UNC13C: variants seen among roughly 807,000 people sequenced by gnomAD.
UNC13C encodes the protein unc-13 homolog C, also known as protein unc-13 homolog C.
In UNC13C, 174 loss-of-function variants were observed where a neutral mutation model predicts 245.4. That is an observed-to-expected ratio of 0.71 (90% CI 0.63 to 0.80). The LOEUF (loss-of-function observed/expected upper bound fraction) is 0.80, where lower values mean the gene tolerates loss of function less well. Among genes scored for constraint, UNC13C ranks in the 30% least tolerant of loss-of-function variants. UNC13C has a pLI of 0.00. For missense variants in UNC13C, 2,829 were observed against 2,602.9 expected, an observed-to-expected ratio of 1.09 and a Z score of -1.89; for synonymous variants, 992 against 895.1, an observed-to-expected ratio of 1.11 and a Z score of -1.93.
chr15:54,333,952 G>C, intron 16 of UNC13C, 96 bp downstream of exon 16: 2 of 815,922 alleles, frequency 2.5e-6, no homozygotes, highest in Non-Finnish European at 2.0e-6. Context: ...ATCAAGTACT[G>C]TGTTAACTCC....
intron 4 of UNC13C, among the ~76,000 whole-genome samples, chr15:54,162,721 G>T (rs1350935853): frequency 2.6e-5 from 4 of 152,040 alleles, no homozygotes; most frequent in Non-Finnish European, 5.9e-5. Flanking sequence ...TTATACTTTA[G>T]TTAATATGAC....
At chr15:53,941,011 A>G in the UNC13C span, among the ~76,000 whole-genome samples, 1 of 152,118 alleles carries the variant, frequency 6.6e-6, no homozygotes, top group Non-Finnish European at 1.5e-5. Flanking sequence ...AATCGTAAAC[A>G]GAAACAACAA....
At chr15:54,203,890 A>C (rs1595999888) in intron 4 of UNC13C, among the ~76,000 whole-genome samples, 1 of 105,512 alleles carries the variant, frequency 9.5e-6, no homozygotes, top group African/African-American at 3.0e-5. Flanking sequence ...ACATGTGTAT[A>C]TGTATATGTG....
intron 10 of UNC13C, among the ~76,000 whole-genome samples, chr15:54,285,909 G>A (rs574578960): frequency 2.8e-4 from 42 of 151,404 alleles, no homozygotes; most frequent in Non-Finnish European, 5.3e-4. Context: ...ACAGAGTCTC[G>A]TTCTGTCACC....
At chr15:53,965,337 T>G in the UNC13C span, among the ~76,000 whole-genome samples, 1 of 152,102 alleles carries the variant, frequency 6.6e-6, no homozygotes, top group East Asian at 1.9e-4. Flanking sequence ...CATTTTACCC[T>G]TAAACATTTG....
At chr15:54,356,884 T>C (rs2039107732) in intron 17 of UNC13C, among the ~76,000 whole-genome samples, 1 of 152,156 alleles carries the variant, frequency 6.6e-6, no homozygotes, top group African/African-American at 2.4e-5. Context: ...CATATTTGTA[T>C]ATTAAAAAGG....
At chr15:53,892,652 G>A in the UNC13C span, among the ~76,000 whole-genome samples, 10 of 151,634 alleles carry the variant, frequency 6.6e-5, no homozygotes, top group South Asian at 2.1e-4. Context: ...CCTTTCTTCC[G>A]CTTGATTGAT....
At chr15:53,906,956 T>C in the UNC13C span, among the ~76,000 whole-genome samples, 1 of 150,874 alleles carries the variant, frequency 6.6e-6, no homozygotes, top group South Asian at 2.1e-4. Context: ...GATAACAGCA[T>C]GGGGGAACCA....
intron 19 of UNC13C, among the ~76,000 whole-genome samples, chr15:54,484,448 T>C (rs1029663937): frequency 6.6e-6 from 1 of 152,208 alleles, no homozygotes. Flanking sequence ...ATGAGCTGAA[T>C]TGAACATGTC....
chr15:54,012,763 G>A lies in UNC13C; in HGVS notation c.-141G>A, dbSNP rs1895436725. 3.0e-6 allele frequency: 2 copies of A among 663,500 alleles called. No homozygotes were observed. Among genetic ancestry groups the A allele is most frequent in the East Asian group, 2.7e-5 (1 of 37,028 alleles). The allele number at this position is 663,500 out of a possible 1,614,324, so 41.1% of individuals were successfully genotyped here. On this transcript the variant is annotated 5_prime_UTR_variant, in exon 2 of 33. The change creates a premature stop within an existing upstream ORF in the 5' untranslated region. Coordinates refer to ENST00000260323, the MANE Select transcript of UNC13C (RefSeq NM_001080534.3). ...GTTTGCACAGGACAGCGACAATGTG[G>A]CAGAGCCATGCCTGCCCTTCCTGCT...
intron 19 of UNC13C, among the ~76,000 whole-genome samples, chr15:54,490,572 C>T (rs958281472): frequency 2.6e-5 from 4 of 151,968 alleles, no homozygotes; most frequent in South Asian, 4.1e-4. Flanking sequence ...GTCTGAAAAA[C>T]TGACCAGAAT....
chr15:54,175,719 C>G (rs7180602), intron 4 of UNC13C, among the ~76,000 whole-genome samples: 7 of 151,630 alleles, frequency 4.6e-5, no homozygotes, highest in African/African-American at 1.7e-4. Flanking sequence ...CACAGCTCCA[C>G]AGAGAAATAC....
At chr15:54,437,698 T>C (rs1350121577) in intron 19 of UNC13C, among the ~76,000 whole-genome samples, 1 of 151,920 alleles carries the variant, frequency 6.6e-6, no homozygotes, top group Admixed American at 6.6e-5. Context: ...GGAACACTGT[T>C]GACAAGGAAC....
chr15:54,154,375 T>A (rs1352165386), intron 4 of UNC13C, among the ~76,000 whole-genome samples: 1 of 152,264 alleles, frequency 6.6e-6, no homozygotes, highest in Admixed American at 6.5e-5. Context: ...ATAAAATACA[T>A]ACTTATACAA....
chr15:53,939,738 A>C, the UNC13C span, among the ~76,000 whole-genome samples: 1 of 152,228 alleles, frequency 6.6e-6, no homozygotes, highest in Non-Finnish European at 1.5e-5. Context: ...AACAAAAACC[A>C]CACAATTAGC....
chr15:54,552,804 A>ATT (rs1896873580), intron 28 of UNC13C, among the ~76,000 whole-genome samples: 1 of 89,578 alleles, frequency 1.1e-5, no homozygotes, highest in Non-Finnish European at 1.9e-5. Context: ...TATATTATAT[A>ATT]GTACAATATA....
chr15:54,556,256 T>C (rs1041654282), intron 29 of UNC13C, among the ~76,000 whole-genome samples: 7 of 152,108 alleles, frequency 4.6e-5, no homozygotes, highest in South Asian at 2.1e-4. Flanking sequence ...ATCCAAGATA[T>C]GTGAATAGCA....
At chr15:53,925,497 T>G in the UNC13C span, among the ~76,000 whole-genome samples, 1 of 152,130 alleles carries the variant, frequency 6.6e-6, no homozygotes, top group Non-Finnish European at 1.5e-5. Flanking sequence ...GAGAAAAAAC[T>G]CACTTTAGAG....
chr15:54,010,211 A>G (rs1360661565), intron 1 of UNC13C, among the ~76,000 whole-genome samples: 2 of 152,218 alleles, frequency 1.3e-5, no homozygotes, highest in Non-Finnish European at 2.9e-5. Flanking sequence ...GACAAACAGT[A>G]TGAGTCTATT....
Sources: allele counts gnomAD v4.1 joint callset (sites outside exome capture counted in the v4.1 genomes callset), GRCh38; gene constraint gnomAD v4.1.1; transcripts MANE v1.5; gene names NCBI Gene and HGNC (gene_info 2026-07-23, HGNC 2026-07-21).